ROBO2: variants seen among roughly 807,000 people sequenced by gnomAD.
ROBO2 encodes roundabout guidance receptor 2.
Under a neutral mutation model 160.8 loss-of-function variants are expected in ROBO2, and 53 were observed. That is an observed-to-expected ratio of 0.33 (90% CI 0.26 to 0.41). The LOEUF (loss-of-function observed/expected upper bound fraction) is 0.41, where lower values mean the gene tolerates loss of function less well. Among genes scored for constraint, ROBO2 ranks in the 10% least tolerant of loss-of-function variants. ROBO2 has a pLI of 1.00. For synonymous variants in ROBO2, 664 were observed against 611.7 expected (o/e 1.09, Z -1.26); for missense variants, 1,577 against 1,722.4 (o/e 0.92, Z 1.49).
chr3:76,566,458 C>G (rs768647911), intron 2 of ROBO2, among the ~76,000 whole-genome samples: 6 of 152,138 alleles, frequency 3.9e-5, no homozygotes, highest in African/African-American at 4.8e-5. Flanking sequence ...GGAATCCCTA[C>G]TTTCTCTTTT....
intron 2 of ROBO2, among the ~76,000 whole-genome samples, chr3:77,025,195 A>G (rs2062888729): frequency 6.6e-6 from 1 of 152,192 alleles, no homozygotes; most frequent in African/African-American, 2.4e-5. Flanking sequence ...ATTATTAGGC[A>G]TTTAAGGTCA....
At chr3:76,464,103 C>A (rs1366604876) in intron 2 of ROBO2, among the ~76,000 whole-genome samples, 1 of 152,026 alleles carries the variant, frequency 6.6e-6, no homozygotes, top group Non-Finnish European at 1.5e-5. Context: ...CAGTCTGGTG[C>A]CTCTCACTGT....
chr3:76,824,506 T>C (rs2066402652), intron 2 of ROBO2, among the ~76,000 whole-genome samples: 1 of 152,202 alleles, frequency 6.6e-6, no homozygotes, highest in African/African-American at 2.4e-5. Flanking sequence ...TTTCATACTT[T>C]TCTAAACTTT....
At chr3:76,651,108 T>C (rs1174656571) in intron 2 of ROBO2, among the ~76,000 whole-genome samples, 2 of 152,180 alleles carry the variant, frequency 1.3e-5, no homozygotes, top group African/African-American at 2.4e-5. Flanking sequence ...TTTCCCATAA[T>C]TGCCAGTTGA....
chr3:76,236,140 G>A (rs527604117), intron 2 of ROBO2, among the ~76,000 whole-genome samples: 2 of 151,830 alleles, frequency 1.3e-5, no homozygotes, highest in African/African-American at 4.8e-5. Flanking sequence ...ATAAAGTTAA[G>A]TCAATTATTT....
chr3:77,624,920 TC>T (rs1372014495), intron 23 of ROBO2, among the ~76,000 whole-genome samples: 1 of 152,106 alleles, frequency 6.6e-6, no homozygotes, highest in Admixed American at 6.5e-5. Context: ...GAATATTAGT[TC>T]AATAACAACA....
intron 2 of ROBO2, among the ~76,000 whole-genome samples, chr3:76,387,189 A>C (rs2076932830): frequency 6.6e-6 from 1 of 152,100 alleles, no homozygotes; most frequent in African/African-American, 2.4e-5. Context: ...GTAAGGCAGT[A>C]ATCCCATCCA....
intron 2 of ROBO2, among the ~76,000 whole-genome samples, chr3:77,032,959 G>T (rs1438087531): frequency 6.6e-6 from 1 of 152,100 alleles, no homozygotes; most frequent in Admixed American, 6.5e-5. Context: ...GGATTCTTGG[G>T]TAACAATCAG....
rs767265582 is a variant in ROBO2, at chr3:76,125,573, G to C, written c.109+187971G>C. Among the ~76,000 whole-genome samples, 169 of 151,974 alleles carry C rather than the reference G, an allele frequency of 1.1e-3. 1 individual carries two copies. Among genetic ancestry groups the C allele is most frequent in the Non-Finnish European group, 2.2e-3 (152 of 67,950 alleles). ...CTGCGGTGTTATCTCATTGTGGTTT[G>C]GATTTGCATTTCTCTGATAATTAGT... On this transcript the variant is annotated intron_variant, in intron 2 of 26. Transcript: ENST00000487694.
intron 2 of ROBO2, among the ~76,000 whole-genome samples, chr3:76,496,735 C>T (rs1421410706): frequency 1.3e-5 from 2 of 152,288 alleles, no homozygotes; most frequent in East Asian, 1.9e-4. Context: ...TTTAATTTCT[C>T]TATTGCTTTT....
chr3:76,141,056 C>CATATATATATATATATATATATAT (rs1467448213), intron 2 of ROBO2, among the ~76,000 whole-genome samples: 10 of 6,130 alleles, frequency 1.6e-3, no homozygotes, highest in Admixed American at 3.2e-3. Flanking sequence ...TGTCTTTTTA[C>CATATATATATATATATATATATAT]ATACATATAT....
chr3:77,023,513 T>C (rs2149516893), intron 2 of ROBO2, among the ~76,000 whole-genome samples: 1 of 152,320 alleles, frequency 6.6e-6, no homozygotes, highest in South Asian at 2.1e-4. Context: ...CTCCAAAAGC[T>C]TATAATAATA....
intron 5 of ROBO2, among the ~76,000 whole-genome samples, chr3:77,503,296 C>T (rs977379692): frequency 3.3e-5 from 5 of 151,318 alleles, no homozygotes; most frequent in Admixed American, 6.6e-5. Context: ...GAAGCCGAGG[C>T]GGGCAGATCA....
intron 2 of ROBO2, among the ~76,000 whole-genome samples, chr3:76,112,471 G>T (rs2070277989): frequency 6.6e-6 from 1 of 151,592 alleles, no homozygotes; most frequent in Non-Finnish European, 1.5e-5. Flanking sequence ...GGGTTTTTAG[G>T]CTTATTCATC....
chr3:76,916,983 C>G (rs1253292340), intron 2 of ROBO2, among the ~76,000 whole-genome samples: 1 of 152,072 alleles, frequency 6.6e-6, no homozygotes, highest in Non-Finnish European at 1.5e-5. Flanking sequence ...CATCCTCTCC[C>G]CGCAAACAAC....
At chr3:77,607,479 G>T (rs529210749) in intron 20 of ROBO2, among the ~76,000 whole-genome samples, 2 of 152,180 alleles carry the variant, frequency 1.3e-5, no homozygotes, top group East Asian at 1.9e-4. Context: ...AAAAGAATTT[G>T]TTATGGCCCA....
intron 2 of ROBO2, among the ~76,000 whole-genome samples, chr3:75,977,101 TATATG>T (rs1378814596): frequency 6.6e-6 from 1 of 151,594 alleles, no homozygotes; most frequent in African/African-American, 2.4e-5. Flanking sequence ...TGCATAGAAT[TATATG>T]ATATGGTTAA....
At chr3:77,540,982 C>T (rs1035400364) in intron 6 of ROBO2, among the ~76,000 whole-genome samples, 1 of 152,040 alleles carries the variant, frequency 6.6e-6, no homozygotes, top group African/African-American at 2.4e-5. Context: ...GAAGAGAATG[C>T]TTCTTAAATA....
intron 2 of ROBO2, among the ~76,000 whole-genome samples, chr3:76,600,149 T>A (rs905234518): frequency 3.3e-5 from 5 of 152,228 alleles, no homozygotes; most frequent in African/African-American, 1.2e-4. Context: ...ATTGCCTAGA[T>A]TGCCTTCCAG....
Sources: allele counts gnomAD v4.1 joint callset (sites outside exome capture counted in the v4.1 genomes callset), GRCh38; gene constraint gnomAD v4.1.1; transcripts MANE v1.5; gene names NCBI Gene and HGNC (gene_info 2026-07-23, HGNC 2026-07-21).